Variants in GALNT17 observed in about 807,000 individuals in gnomAD.
GALNT17 encodes the protein polypeptide N-acetylgalactosaminyltransferase 17, also known as UDP-GalNAc:polypeptide N-acetylgalactosaminyltransferase-like 3.
GALNT17 carries 29 observed loss-of-function variants against 63.7 expected under a neutral mutation model. The ratio of observed to expected loss-of-function variants is 0.46; its 90% CI spans 0.34 to 0.62. The LOEUF (loss-of-function observed/expected upper bound fraction) is 0.62. Among genes scored for constraint, GALNT17 ranks in the 20% least tolerant of loss-of-function variants. The pLI is 0.01. For missense variants in GALNT17, 603 were observed against 799.6 expected, an observed-to-expected ratio of 0.75 and a Z score of 2.97; for synonymous variants, 305 against 318.3, an observed-to-expected ratio of 0.96 and a Z score of 0.45.
intron 1 of GALNT17, among the ~76,000 whole-genome samples, chr7:71,314,865 A>G (rs1791473590): frequency 6.6e-6 from 1 of 152,184 alleles, no homozygotes; most frequent in Non-Finnish European, 1.5e-5. Flanking sequence ...ATGATTGCAC[A>G]GACACTGCAC....
intron 5 of GALNT17, among the ~76,000 whole-genome samples, chr7:71,542,878 A>G (rs954237863): frequency 6.6e-6 from 1 of 151,938 alleles, no homozygotes; most frequent in Non-Finnish European, 1.5e-5. Flanking sequence ...TCAATCCACA[A>G]CCTCATCAGA....
intron 2 of GALNT17, among the ~76,000 whole-genome samples, chr7:71,375,382 A>G (rs1305270118): frequency 2.0e-5 from 3 of 152,030 alleles, no homozygotes; most frequent in Non-Finnish European, 2.9e-5. Flanking sequence ...TAAAGGGCCA[A>G]AGAGGTTGGA....
rs1038994354 is a variant in GALNT17 at position 71,407,545 on chromosome 7, A to G, written c.590-8344A>G. ...GGAGCATCACTTGAGCCCAGAGTTC[A>G]AGACCAGCCTCAGCAACATGGTAAA... is the stretch of plus-strand genomic sequence containing the variant. On this transcript the variant is annotated intron_variant, in intron 3 of 10. Coordinates refer to ENST00000333538, the MANE Select transcript of GALNT17 (RefSeq NM_022479.3). 3.3e-5 allele frequency among the ~76,000 whole-genome samples: 5 copies of G among 152,222 alleles called. No homozygotes were observed. The East Asian group carries it at 9.7e-4, about 29-fold the overall frequency.
At chr7:71,490,969 G>T (rs976661087) in intron 5 of GALNT17, among the ~76,000 whole-genome samples, 2 of 152,108 alleles carry the variant, frequency 1.3e-5, no homozygotes, top group East Asian at 1.9e-4. Flanking sequence ...CGAGGCAGGC[G>T]GATCACCTGA....
intron 1 of GALNT17, among the ~76,000 whole-genome samples, chr7:71,289,453 A>G (rs1007450659): frequency 1.3e-5 from 2 of 152,070 alleles, no homozygotes; most frequent in Non-Finnish European, 2.9e-5. Flanking sequence ...CATCAGATTC[A>G]TGCCAGTGCT....
intron 1 of GALNT17, among the ~76,000 whole-genome samples, chr7:71,246,398 C>T (rs1471792812): frequency 6.6e-6 from 1 of 151,782 alleles, no homozygotes; most frequent in African/African-American, 2.4e-5. Context: ...GCTGGGATTA[C>T]AGGTGTGAGC....
At chr7:71,324,146 G>A (rs986978566) in intron 1 of GALNT17, among the ~76,000 whole-genome samples, 13 of 152,170 alleles carry the variant, frequency 8.5e-5, no homozygotes, top group South Asian at 2.1e-4. Flanking sequence ...TGCATATTAC[G>A]TGAAAACTTT....
intron 6 of GALNT17, among the ~76,000 whole-genome samples, chr7:71,600,509 G>C (rs1422831832): frequency 6.6e-6 from 1 of 152,090 alleles, no homozygotes; most frequent in Non-Finnish European, 1.5e-5. Flanking sequence ...CCAGTGGTCT[G>C]AGTGCTCACA....
At chr7:71,425,358 G>C (rs1007311507) in intron 5 of GALNT17, among the ~76,000 whole-genome samples, 2 of 151,964 alleles carry the variant, frequency 1.3e-5, no homozygotes, top group Admixed American at 1.3e-4. Context: ...GAGTATCTGC[G>C]ACTACAGGTG....
rs564248822 is a variant in GALNT17, at chr7:71,547,955, C to T, written c.963-23330C>T. ...TAAAAGTTCATAGAGGAGTTGGGTG[C>T]GGTGGCTCTTGCCTGTAATCCTAGC... On this transcript the variant is annotated intron_variant, in intron 5 of 10. Coordinates refer to ENST00000333538, the MANE Select transcript of GALNT17 (RefSeq NM_022479.3). Among the ~76,000 whole-genome samples the T allele has an allele frequency of 6.6e-5, 10 of 152,056 alleles. No homozygotes were observed. In the South Asian group the frequency reaches 8.3e-4, roughly 13 times the overall value.
chr7:71,368,799 TAAG>T (rs1344532774), intron 2 of GALNT17, among the ~76,000 whole-genome samples: 1 of 151,462 alleles, frequency 6.6e-6, no homozygotes, highest in Non-Finnish European at 1.5e-5. Flanking sequence ...TTCGGTGTGT[TAAG>T]AAGGAAGAAA....
chr7:71,338,079 G>A (rs1472353147), intron 2 of GALNT17, among the ~76,000 whole-genome samples: 2 of 151,356 alleles, frequency 1.3e-5, no homozygotes, highest in African/African-American at 4.9e-5. Flanking sequence ...TGTAATCCCA[G>A]CACTTTGGGA....
chr7:71,527,720 A>G (rs1788647711), intron 5 of GALNT17, among the ~76,000 whole-genome samples: 1 of 152,242 alleles, frequency 6.6e-6, no homozygotes, highest in South Asian at 2.1e-4. Context: ...TTCTAAGAAG[A>G]GACCTTTATT....
chr7:71,657,816 T>G (rs1790849955), intron 6 of GALNT17, among the ~76,000 whole-genome samples: 1 of 151,738 alleles, frequency 6.6e-6, no homozygotes, highest in Non-Finnish European at 1.5e-5. Context: ...AGGGCTGGGG[T>G]GGGATCCAGG....
At chr7:71,138,049 T>G (rs1000767952) in intron 1 of GALNT17, among the ~76,000 whole-genome samples, 1 of 152,212 alleles carries the variant, frequency 6.6e-6, no homozygotes, top group Non-Finnish European at 1.5e-5. Context: ...GGAAATGTTA[T>G]TAAGAAAATT....
chr7:71,272,857 T>G (rs1201555284), intron 1 of GALNT17, among the ~76,000 whole-genome samples: 4 of 152,186 alleles, frequency 2.6e-5, no homozygotes, highest in Non-Finnish European at 4.4e-5. Context: ...AAGCTCTATG[T>G]CTGTCTCTCC....
At chr7:71,705,047 A>G (rs1791704043) in intron 9 of GALNT17, among the ~76,000 whole-genome samples, 1 of 152,232 alleles carries the variant, frequency 6.6e-6, no homozygotes, top group African/African-American at 2.4e-5. Context: ...TTGATGCTTC[A>G]AAGGACATTA....
chr7:71,434,116 T>C (rs1380874728), intron 5 of GALNT17, among the ~76,000 whole-genome samples: 2 of 152,130 alleles, frequency 1.3e-5, no homozygotes, highest in East Asian at 1.9e-4. Flanking sequence ...CTGCCACAGA[T>C]TGAAGGCTGC....
chr7:71,319,320 A>G (rs1041959165), intron 1 of GALNT17, among the ~76,000 whole-genome samples: 3 of 152,094 alleles, frequency 2.0e-5, no homozygotes, highest in African/African-American at 7.2e-5. Context: ...AACATCACCA[A>G]TGCATTGGCT....
Sources: gnomAD v4.1 joint callset for allele counts (sites outside exome capture counted in the v4.1 genomes callset) on GRCh38, gnomAD v4.1.1 for gene constraint, MANE v1.5 for transcripts, NCBI Gene and HGNC (gene_info 2026-07-23, HGNC 2026-07-21) for gene names.